NKTR: variants seen among roughly 807,000 people sequenced by gnomAD.
NKTR encodes NK-tumor recognition protein.
NKTR carries 67 observed loss-of-function variants against 156.3 expected under a neutral mutation model. That is an observed-to-expected ratio of 0.43 (90% CI 0.35 to 0.53). The LOEUF (loss-of-function observed/expected upper bound fraction) is 0.53. NKTR is among the 20% of genes least tolerant of loss of function. The pLI, the probability that NKTR is intolerant of heterozygous loss-of-function variation, is 0.01. For missense variants in NKTR, 1,604 were observed against 1,730.9 expected, an observed-to-expected ratio of 0.93 and a Z score of 1.30; for synonymous variants, 640 against 596.6, an observed-to-expected ratio of 1.07 and a Z score of -1.06.
chr3:42,638,460 A>C lies in NKTR; in HGVS notation c.2756A>C (p.Glu919Ala). ...KEEGEATSDSESEVSEIHIKV... is the reference protein window; with the variant it reads ...KEEGEATSDSASEVSEIHIKV... ...GAAGGTGAGGCCACATCCGATTCTG[A>C]ATCAGAGGTTAGTGAAATTCACATC... The change falls in exon 13 of 17, where the codon GAA (glutamate) becomes GCA (alanine). Residue 919 changes from glutamate (E) to alanine (A), a missense_variant. Transcript: ENST00000232978. The C allele has an allele frequency of 1.2e-6, 2 of 1,611,774 alleles. No homozygotes were observed. Among genetic ancestry groups the C allele is most frequent in the Non-Finnish European group, 8.5e-7 (1 of 1,179,314 alleles).
At chr3:42,604,479 T>C (rs1705991057) in intron 2 of NKTR, among the ~76,000 whole-genome samples, 1 of 151,818 alleles carries the variant, frequency 6.6e-6, no homozygotes, top group Non-Finnish European at 1.5e-5. Flanking sequence ...ATGTACATTC[T>C]GCACTTGAAT....
chr3:42,642,389 TGA>T, intron 13 of NKTR, 110 bp from the exon 14 acceptor site: 1 of 717,570 alleles, frequency 1.4e-6, no homozygotes, highest in South Asian at 1.7e-5. Context: ...GAGGAGTTTG[TGA>T]GAGGCCTTTC....
Position 42,637,317 on chromosome 3 carries a change from C to T in NKTR, c.1613C>T (p.Ala538Val), listed in dbSNP as rs370483279. Residue 538 changes from alanine to valine, a missense_variant, in exon 13 of 17, where the codon GCG becomes GTG. By Grantham distance (64) the Ala-to-Val change is moderately conservative. This residue lies in a region of NKTR where 1,255 missense variants were observed against 1,243.7 expected (regional missense o/e 1.01). Coordinates refer to ENST00000232978, the MANE Select transcript of NKTR (RefSeq NM_005385.4). ...AGAGGAAGCTCAAGATCAAGGACTG[C>T]GTCAAAGTCCTCATCACATTCTCGA... ...YSRGSSRSRT[A>V]SKSSSHSRSR... 1.5e-5 allele frequency: 24 copies of T among 1,614,082 alleles called. No individual in the cohort carries two copies. The Middle Eastern group carries it at 6.6e-4, about 44-fold the overall frequency.
intron 6 of NKTR, chr3:42,627,644 A>G: frequency 1.0e-6 from 1 of 984,908 alleles, no homozygotes; most frequent in Middle Eastern, 5.2e-4. Flanking sequence ...TTTTTAAAGT[A>G]GATTCAGGGG....
intron 16 of NKTR, among the ~76,000 whole-genome samples, chr3:42,645,262 G>T (rs1468250376): frequency 1.3e-5 from 2 of 152,074 alleles, no homozygotes; most frequent in East Asian, 3.9e-4. Flanking sequence ...CTGCTCATTG[G>T]TTTTTTGTTT....
Position 42,646,787 on chromosome 3 carries a change from A to G in NKTR, c.*812A>G, listed in dbSNP as rs1431711841. The G allele has an allele frequency of 6.5e-6, 1 of 152,672 alleles. No individual in the cohort carries two copies. 9.5% of individuals were successfully genotyped at this position (152,672 alleles called of 1,614,324 possible). ...CTTATATATCATATATTAAAATACC[A>G]TAAAAATGAAATTCAGACAAAATCA... On this transcript the variant is annotated 3_prime_UTR_variant, in exon 17 of 17. Transcript: ENST00000232978.
At position 42,638,390 on chromosome 3, in the gene NKTR, A is replaced by ATTTT; in HGVS notation, c.2686_2687insTTTT (p.Thr896IlefsTer3). ...TGAGTCAAATTCAGAACGAGATGTC[A>ATTTT]CTAAAAACAGTAAAAATGACTCCCA... On this transcript the variant is annotated frameshift_variant, in exon 13 of 17. Transcript: ENST00000232978. LOFTEE classifies it high-confidence loss of function. 6.2e-7 allele frequency: 1 copy of ATTTT among 1,614,020 alleles called. No homozygotes were observed. The highest frequency in any genetic ancestry group is 8.5e-7 in the Non-Finnish European group (1 of 1,179,978).
chr3:42,634,209 A>G (rs1162151410), intron 10 of NKTR, among the ~76,000 whole-genome samples: 3 of 152,246 alleles, frequency 2.0e-5, no homozygotes, highest in African/African-American at 7.2e-5. Context: ...AACTTGTTCA[A>G]CAATTACTTC....
At chr3:42,617,117 G>A (rs562718747) in intron 2 of NKTR, among the ~76,000 whole-genome samples, 1 of 152,178 alleles carries the variant, frequency 6.6e-6, no homozygotes, top group Non-Finnish European at 1.5e-5. Context: ...AACAGTTCTT[G>A]CTTAAAGGAA....
chr3:42,634,750 T>G (rs1277565825), intron 11 of NKTR, 50 bp downstream of exon 11: 2 of 1,007,656 alleles, frequency 2.0e-6, no homozygotes, highest in Non-Finnish European at 3.0e-6. Context: ...TAAAAAATTT[T>G]TACCTATTTT....
At chr3:42,645,500 C>T (rs560986418) in intron 16 of NKTR, among the ~76,000 whole-genome samples, 8 of 152,042 alleles carry the variant, frequency 5.3e-5, no homozygotes, top group Non-Finnish European at 1.2e-4. Context: ...GCCTGGCCAA[C>T]ATAGTGAAAC....
At chr3:42,622,882 G>C (rs910979395) in intron 6 of NKTR, among the ~76,000 whole-genome samples, 2 of 151,894 alleles carry the variant, frequency 1.3e-5, no homozygotes, top group Non-Finnish European at 2.9e-5. Flanking sequence ...ATGATTCATT[G>C]GTCAAGAAGC....
chr3:42,629,114 T>C, intron 6 of NKTR: 1 of 973,468 alleles, frequency 1.0e-6, no homozygotes. Context: ...AGTTTTATAA[T>C]TAAAGCACAT....
intron 4 of NKTR, 37 bp downstream of exon 4, chr3:42,619,164 A>G (rs555762789): frequency 2.5e-6 from 4 of 1,585,238 alleles, no homozygotes; most frequent in South Asian, 2.3e-5. Flanking sequence ...AACTCCATCT[A>G]TCAGTTTTTA....
chr3:42,610,231 C>T lies in NKTR; in HGVS notation c.59-7339C>T, dbSNP rs142402597. On this transcript the variant is annotated intron_variant, in intron 2 of 16. Transcript: ENST00000232978. ...GTTGGTCAGGCTGGTCTCGAACTCC[C>T]GACCTCAGGTGATCCGCGCCCCCCA... 7.5e-3 allele frequency among the ~76,000 whole-genome samples: 1,144 copies of T among 152,078 alleles called. 43 individuals carry two copies. The East Asian group carries it at 0.1, about 14-fold the overall frequency.
At position 42,637,053 on chromosome 3, in the gene NKTR, GAC is replaced by G; in HGVS notation, c.1353_1354del (p.His451GlnfsTer13). On this transcript the variant is annotated frameshift_variant, in exon 13 of 17. Coordinates refer to ENST00000232978, the MANE Select transcript of NKTR (RefSeq NM_005385.4). LOFTEE classifies it high-confidence loss of function. The stretch of plus-strand genomic sequence containing the variant: ...GGGAAAAAGCAGAAACACTGCAGAA[GAC>G]ACAAACAAACAAAGAAGAGAAGGAT... The G allele has an allele frequency of 6.2e-7, 1 of 1,605,844 alleles. No individual in the cohort carries two copies. The highest frequency in any genetic ancestry group is 8.5e-7 in the Non-Finnish European group (1 of 1,178,038).
At chr3:42,604,676 T>TTTTTTTTTTTTTTTTTTTTTTTTTTTTTC in intron 2 of NKTR, among the ~76,000 whole-genome samples, 1 of 68,602 alleles carries the variant, frequency 1.5e-5, no homozygotes, top group Non-Finnish European at 3.2e-5. Context: ...TTTTTTTTTT[T>TTTTTTTTTTTTTTTTTTTTTTTTTTTTTC]TTTTTTTTTT....
At chr3:42,621,632 TATTA>T in intron 6 of NKTR, 116 bp downstream of exon 6, 1 of 1,043,748 alleles carries the variant, frequency 9.6e-7, no homozygotes, top group Non-Finnish European at 1.3e-6. Context: ...TTATTTTTAT[TATTA>T]ATTTCTAATA....
intron 2 of NKTR, among the ~76,000 whole-genome samples, chr3:42,616,764 A>G (rs2125778366): frequency 6.6e-6 from 1 of 152,202 alleles, no homozygotes; most frequent in East Asian, 1.9e-4. Flanking sequence ...GTATTATTTT[A>G]AGAGTCTTGC....
Sources: allele counts gnomAD v4.1 joint callset (sites outside exome capture counted in the v4.1 genomes callset), GRCh38; gene constraint gnomAD v4.1.1; regional missense constraint gnomAD v4.1.1; transcripts MANE v1.5; gene names NCBI Gene and HGNC (gene_info 2026-07-23, HGNC 2026-07-21).